PI4KA: variants seen among roughly 807,000 people sequenced by gnomAD.
The protein encoded by PI4KA is phosphatidylinositol 4-kinase alpha.
PI4KA carries 122 observed loss-of-function variants against 271.4 expected under a neutral mutation model. That is an observed-to-expected ratio of 0.45 (90% CI 0.39 to 0.52). The LOEUF is 0.52. PI4KA is among the 20% of genes least tolerant of loss of function. The pLI, the probability that PI4KA is intolerant of heterozygous loss-of-function variation, is 0.00. For missense variants in PI4KA, 1,969 were observed against 2,769.1 expected (o/e 0.71, Z 6.48); for synonymous variants, 1,041 against 1,078.8 (o/e 0.96, Z 0.69).
At chr22:20,748,663 T>A (rs574291855) in intron 28 of PI4KA, among the ~76,000 whole-genome samples, 1 of 152,090 alleles carries the variant, frequency 6.6e-6, no homozygotes, top group Non-Finnish European at 1.5e-5. Flanking sequence ...TAAGAAGAAA[T>A]GTACAGGAGT....
intron 19 of PI4KA, among the ~76,000 whole-genome samples, chr22:20,784,795 G>A (rs780088131): frequency 2.6e-5 from 4 of 152,094 alleles, no homozygotes; most frequent in Non-Finnish European, 4.4e-5. Flanking sequence ...ATTATTATTG[G>A]GTCATGGCAG....
At chr22:20,708,288 C>A (rs1457707694) in intron 54 of PI4KA, among the ~76,000 whole-genome samples, 190 bp from the exon 55 acceptor site, 1 of 152,184 alleles carries the variant, frequency 6.6e-6, no homozygotes, top group African/African-American at 2.4e-5. Flanking sequence ...GACTCCGAGG[C>A]CACCTCATGC....
At chr22:20,776,730 A>T (rs1933315516) in intron 19 of PI4KA, among the ~76,000 whole-genome samples, 1 of 152,146 alleles carries the variant, frequency 6.6e-6, no homozygotes, top group South Asian at 2.1e-4. Flanking sequence ...AGTGACAGTG[A>T]CGAAAGGCTC....
chr22:20,805,297 G>T, intron 10 of PI4KA, 132 bp from the exon 11 acceptor site: 1 of 627,200 alleles, frequency 1.6e-6, no homozygotes, highest in Non-Finnish European at 2.8e-6. Context: ...GGCCACTGTG[G>T]GTCCTAGAAT....
Position 20,781,945 on chromosome 22 carries a change from A to G in PI4KA, c.2328+11248T>C, listed in dbSNP as rs192604113. Among the ~76,000 whole-genome samples the G allele has an allele frequency of 9.8e-5, 15 of 152,378 alleles. No individual in the cohort carries two copies. In the East Asian group the frequency reaches 2.9e-3, roughly 29 times the overall value. ...AAGAACCATAAGCGATGGCAATGCA[A>G]CAGAGTGGCACATGACAAGAGCTCA... On this transcript the variant is annotated intron_variant, in intron 19 of 54. Transcript: ENST00000255882.
intron 44 of PI4KA, among the ~76,000 whole-genome samples, chr22:20,718,161 C>A (rs180959755): frequency 6.6e-6 from 1 of 152,320 alleles, no homozygotes; most frequent in Non-Finnish European, 1.5e-5. Flanking sequence ...CTCAAAGTGA[C>A]CAAGGTCAGA....
At chr22:20,754,080 GT>G (rs1387326667) in intron 23 of PI4KA, among the ~76,000 whole-genome samples, 4 of 151,806 alleles carry the variant, frequency 2.6e-5, no homozygotes, top group Non-Finnish European at 5.9e-5. Context: ...TTGAGTTACC[GT>G]TTTTCCCTTT....
intron 1 of PI4KA, among the ~76,000 whole-genome samples, chr22:20,849,710 C>T (rs545712997): frequency 1.3e-5 from 2 of 152,096 alleles, no homozygotes; most frequent in Admixed American, 6.6e-5. Context: ...AAAAATTAGC[C>T]GGGCGCAGTG....
At chr22:20,786,771 A>G in intron 19 of PI4KA, 1 of 1,156,390 alleles carries the variant, frequency 8.6e-7, no homozygotes, top group Non-Finnish European at 1.3e-6. Flanking sequence ...TCCACCTTAC[A>G]TGTTGTCTTT....
chr22:20,717,560 A>G, intron 45 of PI4KA, 148 bp downstream of exon 45: 1 of 677,318 alleles, frequency 1.5e-6, no homozygotes, highest in Admixed American at 2.3e-5. Flanking sequence ...GTCCTGGGGC[A>G]CCAGGCACCG....
rs1320488705 is a variant in PI4KA at position 20,798,607 on chromosome 22, T to TTTGGTGGC, written c.2077_2084dup (p.Asp696ProfsTer17). On this transcript the variant is annotated frameshift_variant, in exon 17 of 55. Coordinates refer to ENST00000255882, the MANE Select transcript of PI4KA (RefSeq NM_058004.4). LOFTEE classifies it high-confidence loss of function. Reference sequence around the variant, plus strand: ...ACCTATAGCCGTGGTCCTTGTAATCTTTGGTGGCTGAGTATACAACGGAGC... The same window carrying TTTGGTGGC: ...ACCTATAGCCGTGGTCCTTGTAATCTTTGGTGGCTTGGTGGCTGAGTATACAACGGAGC... The TTTGGTGGC allele has an allele frequency of 1.3e-5, 21 of 1,612,054 alleles. No individual in the cohort carries two copies. The highest frequency in any genetic ancestry group is 1.6e-5 in the Non-Finnish European group (19 of 1,178,200).
chr22:20,851,639 C>T (rs918159726), intron 1 of PI4KA, among the ~76,000 whole-genome samples: 4 of 152,106 alleles, frequency 2.6e-5, no homozygotes, highest in Non-Finnish European at 4.4e-5. Context: ...TGCCCGGCTG[C>T]GTTGGTTATC....
chr22:20,815,192 C>T (rs761993235), intron 7 of PI4KA, among the ~76,000 whole-genome samples: 1 of 151,712 alleles, frequency 6.6e-6, no homozygotes, highest in Non-Finnish European at 1.5e-5. Context: ...ACCATCCTGG[C>T]AAACATGGTG....
intron 19 of PI4KA, among the ~76,000 whole-genome samples, chr22:20,769,767 C>G (rs1314381415): frequency 2.0e-5 from 3 of 151,900 alleles, no homozygotes; most frequent in African/African-American, 7.3e-5. Context: ...ACATGAAACC[C>G]TGACCAGATA....
chr22:20,714,148 G>A (rs2147177774), intron 47 of PI4KA, among the ~76,000 whole-genome samples: 1 of 152,204 alleles, frequency 6.6e-6, no homozygotes, highest in South Asian at 2.1e-4. Flanking sequence ...CTCCAGAACT[G>A]AGATCGTCCG....
intron 19 of PI4KA, among the ~76,000 whole-genome samples, chr22:20,777,319 C>T (rs904498789): frequency 1.3e-5 from 2 of 151,716 alleles, no homozygotes; most frequent in Admixed American, 6.6e-5. Context: ...TGAATTCAAA[C>T]GAATCTCCTG....
chr22:20,805,195 G>C, intron 10 of PI4KA, 30 bp from the exon 11 acceptor site: 1 of 1,504,812 alleles, frequency 6.6e-7, no homozygotes, highest in Non-Finnish European at 9.2e-7. Flanking sequence ...ATCACAGCTG[G>C]GAACAAAACT....
intron 10 of PI4KA, among the ~76,000 whole-genome samples, chr22:20,805,710 T>C (rs566655321): frequency 6.6e-6 from 1 of 151,484 alleles, no homozygotes; most frequent in African/African-American, 2.4e-5. Context: ...TGGGCGCCTG[T>C]AGTCCCAGCT....
chr22:20,800,043 T>C (rs796988969), intron 14 of PI4KA, among the ~76,000 whole-genome samples: 45 of 152,306 alleles, frequency 3.0e-4, no homozygotes, highest in African/African-American at 1.1e-3. Flanking sequence ...TTCAATCCCT[T>C]GTACTGTTTC....
Sources: allele counts gnomAD v4.1 joint callset (sites outside exome capture counted in the v4.1 genomes callset), GRCh38; gene constraint gnomAD v4.1.1; transcripts MANE v1.5; gene names NCBI Gene and HGNC (gene_info 2026-07-23, HGNC 2026-07-21).